ULK4: variants seen among roughly 807,000 people sequenced by gnomAD.
ULK4 encodes unc-51 like kinase 4, also known as inactive serine/threonine-protein kinase ULK4.
A neutral mutation model predicts 160.6 loss-of-function variants in ULK4; 133 were observed. The observed-to-expected ratio is 0.83, with a 90% CI of 0.72 to 0.96. The LOEUF is 0.96. Among genes scored for constraint, ULK4 ranks in the 40% least tolerant of loss-of-function variants. The pLI, the probability that ULK4 is intolerant of heterozygous loss-of-function variation, is 0.00. For missense variants in ULK4, 1,580 were observed against 1,499.5 expected (o/e 1.05, Z -0.89); for synonymous variants, 534 against 539.8 (o/e 0.99, Z 0.15).
chr3:41,582,661 C>G lies in ULK4; in HGVS notation c.3121-16531G>C, dbSNP rs562460285. 5.3e-5 allele frequency among the ~76,000 whole-genome samples: 8 copies of G among 152,332 alleles called. No homozygotes were observed. The South Asian group carries it at 1.7e-3, about 32-fold the overall frequency. The stretch of plus-strand genomic sequence containing the variant: ...TTGATTTCAAACTGAACCAAAATAA[C>G]TAGGCTCTACCTCTCTGGTTGGAAA... On this transcript the variant is annotated intron_variant, in intron 31 of 36. Transcript: ENST00000301831.
chr3:41,408,402 T>C (rs1428054915), intron 34 of ULK4, among the ~76,000 whole-genome samples: 2 of 119,136 alleles, frequency 1.7e-5, no homozygotes, highest in Non-Finnish European at 3.2e-5. Flanking sequence ...CACTCCAGCC[T>C]GGGTGACAAA....
chr3:41,903,226 G>T (rs186602508), intron 12 of ULK4, among the ~76,000 whole-genome samples: 1 of 152,132 alleles, frequency 6.6e-6, no homozygotes, highest in African/African-American at 2.4e-5. Flanking sequence ...TTATCTTTAC[G>T]TATAGATAAT....
chr3:41,377,370 A>C (rs2081528144), intron 35 of ULK4, among the ~76,000 whole-genome samples: 1 of 151,532 alleles, frequency 6.6e-6, no homozygotes, highest in African/African-American at 2.4e-5. Context: ...AAAATTGACA[A>C]ATGGGATCTA....
At chr3:41,798,508 T>C (rs1329018330) in intron 20 of ULK4, among the ~76,000 whole-genome samples, 1 of 152,168 alleles carries the variant, frequency 6.6e-6, no homozygotes, top group African/African-American at 2.4e-5. Flanking sequence ...TTATATCCAT[T>C]GATCTTCAAG....
chr3:41,763,844 C>A (rs2039072411), intron 21 of ULK4, among the ~76,000 whole-genome samples: 1 of 152,232 alleles, frequency 6.6e-6, no homozygotes, highest in Non-Finnish European at 1.5e-5. Context: ...AGTTGTTTCA[C>A]AGCCTCACCA....
At chr3:41,247,030 T>A in intron 36 of ULK4, 38 bp from the exon 37 acceptor site, 2 of 1,599,496 alleles carry the variant, frequency 1.3e-6, no homozygotes, top group Non-Finnish European at 1.7e-6. Flanking sequence ...TTAATAGGCA[T>A]CTCTAAGGTA....
At chr3:41,884,037 G>T in intron 16 of ULK4, 85 bp from the exon 17 acceptor site, 1 of 940,514 alleles carries the variant, frequency 1.1e-6, no homozygotes. Context: ...ATGCAATGAT[G>T]AGCATTAGAT....
intron 35 of ULK4, among the ~76,000 whole-genome samples, chr3:41,328,693 T>C (rs1478089620): frequency 6.6e-5 from 10 of 152,014 alleles, no homozygotes; most frequent in Non-Finnish European, 2.9e-5. Context: ...TTTGTTTAAA[T>C]AGAAAGTGGA....
intron 17 of ULK4, chr3:41,859,575 C>A: frequency 1.9e-6 from 1 of 534,160 alleles, no homozygotes; most frequent in South Asian, 1.4e-5. Context: ...CGAAAGGCAC[C>A]ATGAGGCCAT....
At chr3:41,730,162 G>T (rs960999608) in intron 22 of ULK4, among the ~76,000 whole-genome samples, 1 of 152,052 alleles carries the variant, frequency 6.6e-6, no homozygotes, top group Non-Finnish European at 1.5e-5. Context: ...TAAGAGGGAA[G>T]TTTATAGCAA....
At chr3:41,805,043 T>C (rs541502077) in intron 19 of ULK4, among the ~76,000 whole-genome samples, 1 of 139,848 alleles carries the variant, frequency 7.2e-6, no homozygotes, top group Admixed American at 7.1e-5. Flanking sequence ...GCTTGATGGG[T>C]ATGGCGTTGA....
intron 17 of ULK4, among the ~76,000 whole-genome samples, chr3:41,866,748 T>C (rs958357612): frequency 2.8e-5 from 4 of 145,418 alleles, no homozygotes; most frequent in Non-Finnish European, 4.4e-5. Context: ...AGGGAAGTCA[T>C]CTAAGCCTGG....
chr3:41,744,523 A>T (rs1012394909), intron 22 of ULK4, among the ~76,000 whole-genome samples: 1 of 151,946 alleles, frequency 6.6e-6, no homozygotes, highest in African/African-American at 2.4e-5. Flanking sequence ...AGTATGCAGC[A>T]AACAATGAGG....
chr3:41,901,094 GAC>G (rs1698334946), intron 12 of ULK4, among the ~76,000 whole-genome samples: 1 of 150,960 alleles, frequency 6.6e-6, no homozygotes, highest in Non-Finnish European at 1.5e-5. Context: ...GTCTGGCTAG[GAC>G]TAGAAAAAAT....
At chr3:41,799,214 T>A (rs1171731897) in intron 20 of ULK4, among the ~76,000 whole-genome samples, 2 of 152,100 alleles carry the variant, frequency 1.3e-5, no homozygotes, top group African/African-American at 4.8e-5. Flanking sequence ...AGAGCCCAGA[T>A]GAGATTGCTA....
At chr3:41,815,842 T>A (rs1004767529) in intron 19 of ULK4, among the ~76,000 whole-genome samples, 8 of 152,034 alleles carry the variant, frequency 5.3e-5, no homozygotes, top group South Asian at 2.1e-4. Flanking sequence ...AAACTCTAAA[T>A]GGGAAAAGAA....
chr3:41,775,402 T>TC (rs1171257116), intron 21 of ULK4, among the ~76,000 whole-genome samples: 2 of 148,662 alleles, frequency 1.3e-5, no homozygotes, highest in African/African-American at 5.1e-5. Flanking sequence ...ACAACTCCTT[T>TC]TTTTTTTTTT....
At chr3:41,337,449 GA>G (rs2080585534) in intron 35 of ULK4, among the ~76,000 whole-genome samples, 1 of 152,072 alleles carries the variant, frequency 6.6e-6, no homozygotes, top group East Asian at 1.9e-4. Context: ...AAGGGAGGGG[GA>G]TGACTGGTAG....
intron 35 of ULK4, among the ~76,000 whole-genome samples, chr3:41,305,753 G>A (rs1169435311): frequency 6.0e-5 from 9 of 150,154 alleles, no homozygotes; most frequent in South Asian, 2.1e-4. Context: ...CTGCCCGGCC[G>A]CCGTCCCACC....
Sources: allele counts gnomAD v4.1 joint callset (sites outside exome capture counted in the v4.1 genomes callset), GRCh38; gene constraint gnomAD v4.1.1; transcripts MANE v1.5; gene names NCBI Gene and HGNC (gene_info 2026-07-23, HGNC 2026-07-21).